PTGER4: variants seen among roughly 807,000 people sequenced by gnomAD.
The protein encoded by PTGER4 is prostaglandin E receptor 4.
Under a neutral mutation model 33.2 loss-of-function variants are expected in PTGER4, and 11 were observed. The ratio of observed to expected loss-of-function variants is 0.33; its 90% CI spans 0.21 to 0.55. PTGER4 has a LOEUF of 0.55. PTGER4 is among the 20% of genes least tolerant of loss of function. The pLI, the probability that PTGER4 is intolerant of heterozygous loss-of-function variation, is 0.92. For synonymous variants in PTGER4, 275 were observed against 281.5 expected (o/e 0.98, Z 0.23); for missense variants, 481 against 650.2 (o/e 0.74, Z 2.83).
chr5:40,716,300 C>T, the PTGER4 span: 1 of 1,614,192 alleles, frequency 6.2e-7, no homozygotes, highest in Non-Finnish European at 8.5e-7. Context: ...CAAACAGCAA[C>T]AATCTCATCA....
chr5:40,736,898 C>G, the PTGER4 span, among the ~76,000 whole-genome samples: 2 of 152,040 alleles, frequency 1.3e-5, no homozygotes, highest in South Asian at 2.1e-4. Flanking sequence ...CTCACTATAC[C>G]ATCTCTATTA....
At chr5:40,731,251 G>A in the PTGER4 span, among the ~76,000 whole-genome samples, 2 of 152,176 alleles carry the variant, frequency 1.3e-5, no homozygotes, top group African/African-American at 4.8e-5. Flanking sequence ...AGGTTGGACT[G>A]TTTGTCCAAT....
chr5:40,696,982 A>G (rs6862446), downstream of PTGER4, among the ~76,000 whole-genome samples: 388 of 124,934 alleles, frequency 3.1e-3, 2 homozygotes, highest in Middle Eastern at 0.015. Context: ...GAGAGAGAGA[A>G]AGAGAGAAAG....
At chr5:40,732,526 G>C in the PTGER4 span, among the ~76,000 whole-genome samples, 1 of 151,688 alleles carries the variant, frequency 6.6e-6, no homozygotes, top group Non-Finnish European at 1.5e-5. Flanking sequence ...TCTCTAATGA[G>C]TTCAGGAACC....
chr5:40,720,796 T>G, the PTGER4 span, among the ~76,000 whole-genome samples: 1 of 152,154 alleles, frequency 6.6e-6, no homozygotes, highest in Non-Finnish European at 1.5e-5. Context: ...ACCAGAATCC[T>G]ACTCCCAGCA....
In PTGER4 at chr5:40,692,554, CCT is replaced by C. The variant is rs1741500604; in HGVS notation, c.*177_*178del. 6 of 1,406,706 alleles carry C rather than the reference CCT, an allele frequency of 4.3e-6. No individual in the cohort carries two copies. Among genetic ancestry groups the C allele is most frequent in the South Asian group, 3.2e-5 (2 of 61,988 alleles). 87.1% of individuals were successfully genotyped at this position (1,406,706 alleles called of 1,614,324 possible). ...AACAATCAAGTTGACTCACGTGGGTCCTGAGGCCTGCAGCACGTCGGATGCTA... is the reference window on the plus strand; with the variant it reads ...AACAATCAAGTTGACTCACGTGGGTCGAGGCCTGCAGCACGTCGGATGCTA... On this transcript the variant is annotated 3_prime_UTR_variant, in exon 3 of 3. Transcript: ENST00000302472.
Position 40,692,298 on chromosome 5 carries a change from G to GC in PTGER4, c.1388dup (p.Gly464TrpfsTer5). On this transcript the variant is annotated frameshift_variant, in exon 3 of 3. Coordinates refer to ENST00000302472, the MANE Select transcript of PTGER4 (RefSeq NM_000958.3). LOFTEE classifies it high-confidence loss of function. ...GGATGAGGCTGGTGGGAGCGGCAGG[G>GC]CTGGGCCTGCCCCTAAGGGGAGCTC... 1 of 1,613,886 alleles carries GC rather than the reference G, an allele frequency of 6.2e-7. No individual in the cohort carries two copies. The highest frequency in any genetic ancestry group is 1.3e-5 in the African/African-American group (1 of 75,068).
chr5:40,714,845 G>T, the PTGER4 span: 1 of 152,122 alleles, frequency 6.6e-6, no homozygotes, highest in Non-Finnish European at 1.5e-5. Context: ...CATAAAGTGG[G>T]CTACTTTCAT....
the PTGER4 span, among the ~76,000 whole-genome samples, chr5:40,700,341 G>A: frequency 6.6e-6 from 1 of 152,234 alleles, no homozygotes; most frequent in Admixed American, 6.5e-5. Flanking sequence ...CAACTCCCTG[G>A]ACAGAGCCTC....
rs1198478006 is a variant in PTGER4, at chr5:40,692,977, A to C, written c.*599A>C. On this transcript the variant is annotated 3_prime_UTR_variant, in exon 3 of 3. Transcript: ENST00000302472. ...TATTTTTCATAAACAAGTTCGAGTC[A>C]AAGTTGAAAATTCATAGTAAGATTG... 1 of 941,914 alleles carries C rather than the reference A, an allele frequency of 1.1e-6. No individual in the cohort carries two copies. The highest frequency in any genetic ancestry group is 1.8e-5 in the African/African-American group (1 of 56,178). 58.3% of individuals were successfully genotyped at this position (941,914 alleles called of 1,614,324 possible).
chr5:40,725,804 T>TTG, the PTGER4 span, among the ~76,000 whole-genome samples: 1 of 143,886 alleles, frequency 6.9e-6, no homozygotes, highest in African/African-American at 2.5e-5. Context: ...TTTTTTTTTT[T>TTG]GAGACAGGTC....
the PTGER4 span, among the ~76,000 whole-genome samples, chr5:40,703,960 G>T: frequency 7.6e-6 from 1 of 132,128 alleles, no homozygotes; most frequent in Non-Finnish European, 1.6e-5. Flanking sequence ...TTAGGAGGAA[G>T]GACTTCTCCC....
At position 40,687,057 on chromosome 5, in the gene PTGER4, T is replaced by C. The variant is rs182144634; in HGVS notation, c.868-4722T>C. 4.1e-3 allele frequency among the ~76,000 whole-genome samples: 627 copies of C among 152,298 alleles called. 1 individual carries two copies. Among genetic ancestry groups the C allele is most frequent in the African/African-American group, 0.013 (549 of 41,562 alleles). On this transcript the variant is annotated intron_variant, in intron 2 of 2. Coordinates refer to ENST00000302472, the MANE Select transcript of PTGER4 (RefSeq NM_000958.3). ...TTTGTTTTTGTTTTTGTTTTTGTTT[T>C]TGTTTTGAGACGGAGTTTCACTTTG...
At chr5:40,701,741 A>G in the PTGER4 span, among the ~76,000 whole-genome samples, 1 of 152,220 alleles carries the variant, frequency 6.6e-6, no homozygotes, top group African/African-American at 2.4e-5. Context: ...CAGATTTTCC[A>G]AGGTTGAAAT....
chr5:40,690,165 C>A (rs1249887249), intron 2 of PTGER4, among the ~76,000 whole-genome samples: 2 of 151,738 alleles, frequency 1.3e-5, no homozygotes, highest in Non-Finnish European at 2.9e-5. Context: ...CATAGAAAGA[C>A]CTCATCTCTA....
the PTGER4 span, among the ~76,000 whole-genome samples, chr5:40,738,489 C>CAATAA: frequency 2.0e-5 from 2 of 101,636 alleles, no homozygotes; most frequent in South Asian, 3.4e-4. Flanking sequence ...CAATACAATA[C>CAATAA]AATACAATAC....
rs533610899 is a variant in PTGER4, at chr5:40,692,932, C to T, written c.*554C>T. 11 of 975,062 alleles carry T rather than the reference C, an allele frequency of 1.1e-5. No individual in the cohort carries two copies. Among genetic ancestry groups the T allele is most frequent in the Non-Finnish European group, 1.3e-5 (11 of 820,284 alleles). The allele number at this position is 975,062 out of a possible 1,614,324, so 60.4% of individuals were successfully genotyped here. A position where few individuals can be genotyped will look rare whatever the true frequency, so the allele number is the denominator to read the frequency against. ...ACCCCTCTCCTTCCAGTATAACCAGCTGAAGTTGCAGATGTTAGATATTTT... is the reference window on the plus strand; with the variant it reads ...ACCCCTCTCCTTCCAGTATAACCAGTTGAAGTTGCAGATGTTAGATATTTT... On this transcript the variant is annotated 3_prime_UTR_variant, in exon 3 of 3. Coordinates refer to ENST00000302472, the MANE Select transcript of PTGER4 (RefSeq NM_000958.3).
chr5:40,719,582 C>T, the PTGER4 span, among the ~76,000 whole-genome samples: 632 of 152,244 alleles, frequency 4.2e-3, 3 homozygotes, highest in African/African-American at 0.015. Flanking sequence ...ACTGTTTTGT[C>T]ATATGATAAC....
At chr5:40,722,639 C>A in the PTGER4 span, among the ~76,000 whole-genome samples, 1 of 151,972 alleles carries the variant, frequency 6.6e-6, no homozygotes, top group African/African-American at 2.4e-5. Flanking sequence ...GCAGCTGCCC[C>A]GTCTGGGAAG....
Sources: allele counts gnomAD v4.1 joint callset (sites outside exome capture counted in the v4.1 genomes callset), GRCh38; gene constraint gnomAD v4.1.1; transcripts MANE v1.5; gene names NCBI Gene and HGNC (gene_info 2026-07-23, HGNC 2026-07-21).